Variants in L3MBTL4 observed in about 807,000 individuals in gnomAD.
L3MBTL4 encodes the protein L3MBTL histone methyl-lysine binding protein 4.
In L3MBTL4, 70 loss-of-function variants were observed where a neutral mutation model predicts 84.5. The observed-to-expected ratio is 0.83, with a 90% CI of 0.68 to 1.01. The LOEUF (loss-of-function observed/expected upper bound fraction) is 1.01. Among genes scored for constraint, L3MBTL4 ranks in the 50% least tolerant of loss-of-function variants. The probability of loss-of-function intolerance (pLI) is 0.00; values close to 1 mark genes in which losing one functional copy is unlikely to be tolerated. For synonymous variants in L3MBTL4, 274 were observed against 259.8 expected (o/e 1.05, Z -0.52); for missense variants, 715 against 754.8 (o/e 0.95, Z 0.62).
chr18:6,093,325 T>G (rs1358075569), intron 15 of L3MBTL4, 30 bp downstream of exon 15: 1 of 1,563,422 alleles, frequency 6.4e-7, no homozygotes, highest in South Asian at 1.2e-5. Flanking sequence ...TGGTTTACTT[T>G]CTGGCTCACA....
At chr18:6,366,019 A>G (rs1419162934) in intron 1 of L3MBTL4, among the ~76,000 whole-genome samples, 3 of 152,212 alleles carry the variant, frequency 2.0e-5, no homozygotes, top group Non-Finnish European at 4.4e-5. Flanking sequence ...ACAGATGGGA[A>G]GGTGGCCGTG....
At chr18:6,282,727 A>C (rs530220093) in intron 4 of L3MBTL4, among the ~76,000 whole-genome samples, 1 of 152,300 alleles carries the variant, frequency 6.6e-6, no homozygotes, top group Admixed American at 6.5e-5. Flanking sequence ...ATGTACTGAA[A>C]AGAACAATGC....
At chr18:6,337,187 G>T (rs1459165238) in intron 1 of L3MBTL4, among the ~76,000 whole-genome samples, 1 of 151,786 alleles carries the variant, frequency 6.6e-6, no homozygotes, top group Non-Finnish European at 1.5e-5. Flanking sequence ...ATCCCAAAAA[G>T]GAAAAAAATG....
intron 1 of L3MBTL4, among the ~76,000 whole-genome samples, chr18:6,319,329 G>A (rs985594608): frequency 1.3e-5 from 2 of 151,918 alleles, no homozygotes; most frequent in Admixed American, 6.6e-5. Flanking sequence ...GAAACCAAAG[G>A]CTGCTTCTTT....
chr18:5,977,709 C>T (rs2053012504), intron 16 of L3MBTL4, among the ~76,000 whole-genome samples: 1 of 152,174 alleles, frequency 6.6e-6, no homozygotes, highest in Admixed American at 6.5e-5. Flanking sequence ...TCAAGGGATC[C>T]CCAATCCCAG....
At chr18:5,957,780 A>G (rs1025533820) in intron 18 of L3MBTL4, among the ~76,000 whole-genome samples, 3 of 150,810 alleles carry the variant, frequency 2.0e-5, no homozygotes, top group South Asian at 4.2e-4. Context: ...ACATGGTGAG[A>G]CCCCCCGCCC....
intron 12 of L3MBTL4, among the ~76,000 whole-genome samples, chr18:6,209,315 C>T (rs977818616): frequency 1.3e-5 from 2 of 152,118 alleles, no homozygotes; most frequent in East Asian, 3.9e-4. Context: ...GTTACTACTT[C>T]TACTATTACA....
intron 16 of L3MBTL4, among the ~76,000 whole-genome samples, chr18:5,977,282 T>A (rs2052990920): frequency 6.6e-6 from 1 of 152,186 alleles, no homozygotes; most frequent in African/African-American, 2.4e-5. Flanking sequence ...CAGGCCTCCG[T>A]CTCCTCATGG....
At chr18:6,175,341 AT>A (rs1370981918) in intron 12 of L3MBTL4, among the ~76,000 whole-genome samples, 1 of 152,218 alleles carries the variant, frequency 6.6e-6, no homozygotes, top group African/African-American at 2.4e-5. Context: ...CCTACAAAAA[AT>A]ATCCTTCAAA....
At chr18:6,131,315 G>A (rs2059869233) in intron 14 of L3MBTL4, among the ~76,000 whole-genome samples, 1 of 152,156 alleles carries the variant, frequency 6.6e-6, no homozygotes, top group African/African-American at 2.4e-5. Flanking sequence ...TTTCCCCAGG[G>A]TTTGGAAGCA....
intron 16 of L3MBTL4, among the ~76,000 whole-genome samples, chr18:6,055,756 T>G (rs1208857264): frequency 2.0e-5 from 3 of 151,836 alleles, no homozygotes; most frequent in African/African-American, 4.8e-5. Context: ...GGGGGAGGGG[T>G]GCCCAGTGCC....
chr18:6,288,802 G>A (rs1265374262), intron 4 of L3MBTL4, among the ~76,000 whole-genome samples: 1 of 151,510 alleles, frequency 6.6e-6, no homozygotes, highest in Non-Finnish European at 1.5e-5. Flanking sequence ...TAAATGTTAG[G>A]TAATGGTAAA....
chr18:6,321,436 G>A (rs2051399010), intron 1 of L3MBTL4, among the ~76,000 whole-genome samples: 1 of 152,094 alleles, frequency 6.6e-6, no homozygotes, highest in Admixed American at 6.5e-5. Context: ...GGATGTGGTG[G>A]AAAGAGGACA....
chr18:6,061,753 T>C (rs552602019), intron 16 of L3MBTL4, among the ~76,000 whole-genome samples: 1 of 152,114 alleles, frequency 6.6e-6, no homozygotes, highest in East Asian at 1.9e-4. Flanking sequence ...TTCAATTTTC[T>C]CTTCTCTCTT....
chr18:6,295,202 G>A (rs1274166931), intron 4 of L3MBTL4, among the ~76,000 whole-genome samples: 2 of 151,816 alleles, frequency 1.3e-5, no homozygotes, highest in African/African-American at 2.4e-5. Context: ...AACCTGGGAG[G>A]CGGAAGTTGC....
chr18:6,009,086 AC>A (rs2054617258), intron 16 of L3MBTL4, among the ~76,000 whole-genome samples: 1 of 152,174 alleles, frequency 6.6e-6, no homozygotes, highest in Non-Finnish European at 1.5e-5. Flanking sequence ...GCGGGTTCAG[AC>A]CTCAGACAGA....
At chr18:6,031,887 T>C (rs1020546071) in intron 16 of L3MBTL4, 2 of 963,194 alleles carry the variant, frequency 2.1e-6, no homozygotes, top group African/African-American at 3.5e-5. Flanking sequence ...TGCATAGTGA[T>C]GAAGCCTGGG....
At chr18:6,050,389 T>C (rs1386482496) in intron 16 of L3MBTL4, among the ~76,000 whole-genome samples, 2 of 152,210 alleles carry the variant, frequency 1.3e-5, no homozygotes, top group African/African-American at 4.8e-5. Flanking sequence ...AAAAACTAGT[T>C]ACATTCACCA....
At chr18:6,147,365 G>C (rs1184191138) in intron 13 of L3MBTL4, among the ~76,000 whole-genome samples, 1 of 152,026 alleles carries the variant, frequency 6.6e-6, no homozygotes, top group Non-Finnish European at 1.5e-5. Flanking sequence ...ATAATAATTA[G>C]TGTCTCAAAT....
Sources: gnomAD v4.1 joint callset for allele counts (sites outside exome capture counted in the v4.1 genomes callset) on GRCh38, gnomAD v4.1.1 for gene constraint, MANE v1.5 for transcripts, NCBI Gene and HGNC (gene_info 2026-07-23, HGNC 2026-07-21) for gene names.